Variants in NRXN3 observed in about 807,000 individuals in gnomAD.
NRXN3 encodes neurexin 3.
NRXN3 carries 32 observed loss-of-function variants against 137.6 expected under a neutral mutation model. That is an observed-to-expected ratio of 0.23 (90% CI 0.18 to 0.31). The LOEUF is 0.31. Among genes scored for constraint, NRXN3 ranks in the 10% least tolerant of loss-of-function variants. The pLI is 1.00. For missense variants in NRXN3, 1,574 were observed against 2,062.5 expected (o/e 0.76, Z 4.59); for synonymous variants, 798 against 784.5 (o/e 1.02, Z -0.29).
At chr14:78,786,190 A>G (rs2098788873) in intron 8 of NRXN3, among the ~76,000 whole-genome samples, 1 of 152,228 alleles carries the variant, frequency 6.6e-6, no homozygotes, top group African/African-American at 2.4e-5. Context: ...GAACAATAGT[A>G]TGTACTCAGA....
rs1200878192 is a variant in NRXN3, at chr14:78,170,476, C to A, written c.-902C>A. The A allele has an allele frequency of 6.6e-6, 1 of 152,256 alleles. No homozygotes were observed. Among genetic ancestry groups the A allele is most frequent in the Admixed American group, 6.5e-5 (1 of 15,278 alleles). The allele number at this position is 152,256 out of a possible 1,614,324, so 9.4% of individuals were successfully genotyped here. A position where few individuals can be genotyped will look rare whatever the true frequency, so the allele number is the denominator to read the frequency against. On this transcript the variant is annotated 5_prime_UTR_variant, in exon 1 of 21. Transcript: ENST00000335750. Reference sequence around the variant, plus strand: ...CCTCTCTCAGCCTCGGCATCTCCAGCCACCAAGGACCTGCTTTTCGCACCT... The same window carrying A: ...CCTCTCTCAGCCTCGGCATCTCCAGACACCAAGGACCTGCTTTTCGCACCT...
intron 4 of NRXN3, among the ~76,000 whole-genome samples, chr14:78,462,317 G>T (rs1276496782): frequency 1.3e-5 from 2 of 152,082 alleles, no homozygotes; most frequent in South Asian, 2.1e-4. Flanking sequence ...GAGGCCGAAG[G>T]GTGGCTCTGT....
chr14:78,244,325 A>C (rs1362870151), intron 2 of NRXN3, among the ~76,000 whole-genome samples: 1 of 152,030 alleles, frequency 6.6e-6, no homozygotes, highest in Non-Finnish European at 1.5e-5. Context: ...AGCTACTCGC[A>C]AGGCTGAGGC....
At chr14:79,509,521 AATATAT>A (rs889438191) in intron 16 of NRXN3, among the ~76,000 whole-genome samples, 14 of 136,294 alleles carry the variant, frequency 1.0e-4, no homozygotes, top group Non-Finnish European at 2.0e-4. Context: ...GTCTCAAAAA[AATATAT>A]ATATATTATA....
intron 8 of NRXN3, among the ~76,000 whole-genome samples, chr14:78,719,071 C>T (rs2098447343): frequency 6.6e-6 from 1 of 152,190 alleles, no homozygotes; most frequent in Non-Finnish European, 1.5e-5. Flanking sequence ...GCATCAAGTT[C>T]CAGCAAGGCA....
At chr14:78,623,476 T>A (rs538045734) in intron 4 of NRXN3, among the ~76,000 whole-genome samples, 1 of 152,358 alleles carries the variant, frequency 6.6e-6, no homozygotes, top group South Asian at 2.1e-4. Context: ...TTGGCCATAG[T>A]AGATAACCAT....
intron 10 of NRXN3, among the ~76,000 whole-genome samples, chr14:78,877,707 A>G (rs2099117175): frequency 6.6e-6 from 1 of 151,708 alleles, no homozygotes; most frequent in South Asian, 2.1e-4. Context: ...AAAAGCAAAT[A>G]AAGACTCAAT....
At chr14:79,185,933 C>T (rs1046243031) in intron 15 of NRXN3, among the ~76,000 whole-genome samples, 1 of 152,146 alleles carries the variant, frequency 6.6e-6, no homozygotes, top group Non-Finnish European at 1.5e-5. Flanking sequence ...TCTAGGTTTT[C>T]TAGCTGTATG....
At chr14:79,406,470 T>C (rs1034622762) in intron 15 of NRXN3, among the ~76,000 whole-genome samples, 2 of 151,470 alleles carry the variant, frequency 1.3e-5, no homozygotes, top group African/African-American at 4.9e-5. Context: ...CCTGGCTAAT[T>C]TTTTTTTCTC....
At chr14:79,126,867 G>T (rs76502666) in intron 15 of NRXN3, among the ~76,000 whole-genome samples, 1 of 151,940 alleles carries the variant, frequency 6.6e-6, no homozygotes, top group Non-Finnish European at 1.5e-5. Flanking sequence ...GATTGCCATT[G>T]TAACTGGTGT....
intron 4 of NRXN3, among the ~76,000 whole-genome samples, chr14:78,542,217 A>C (rs1407458147): frequency 1.3e-5 from 2 of 152,224 alleles, no homozygotes; most frequent in Admixed American, 6.5e-5. Flanking sequence ...GCTGTCAGAC[A>C]GGGACGTTTA....
intron 16 of NRXN3, among the ~76,000 whole-genome samples, chr14:79,549,916 C>T (rs1464421431): frequency 6.6e-6 from 1 of 151,958 alleles, no homozygotes; most frequent in South Asian, 2.1e-4. Context: ...CTTAGTTGCT[C>T]TGTGACATCC....
At chr14:79,108,728 T>C (rs1310735714) in intron 15 of NRXN3, among the ~76,000 whole-genome samples, 1 of 152,130 alleles carries the variant, frequency 6.6e-6, no homozygotes, top group Admixed American at 6.6e-5. Context: ...TAATATAGCA[T>C]AACAATACAT....
intron 10 of NRXN3, among the ~76,000 whole-genome samples, chr14:78,902,327 C>A (rs186421089): frequency 6.6e-6 from 1 of 152,102 alleles, no homozygotes; most frequent in East Asian, 1.9e-4. Flanking sequence ...TATGTTTTAA[C>A]CTGGGATGTG....
At chr14:79,431,354 T>G (rs2095751317) in intron 15 of NRXN3, among the ~76,000 whole-genome samples, 1 of 152,182 alleles carries the variant, frequency 6.6e-6, no homozygotes, top group Non-Finnish European at 1.5e-5. Context: ...CTACAATTAG[T>G]GTTTGCTAAA....
chr14:79,435,098 A>T (rs917361318), intron 15 of NRXN3, among the ~76,000 whole-genome samples: 1 of 152,188 alleles, frequency 6.6e-6, no homozygotes, highest in Non-Finnish European at 1.5e-5. Flanking sequence ...GCTCAGAGCC[A>T]CAACGGGCTT....
Position 79,609,029 on chromosome 14 carries a change from A to G in NRXN3, c.3445-54749A>G, listed in dbSNP as rs117048098. 3.3e-5 allele frequency among the ~76,000 whole-genome samples: 5 copies of G among 152,314 alleles called. No homozygotes were observed. In the East Asian group the frequency reaches 9.6e-4, roughly 29 times the overall value. On this transcript the variant is annotated intron_variant, in intron 16 of 20. Transcript: ENST00000335750. ...AAAGAGCAGTAATGCATCATGGTGA[A>G]ATAAAAATTGAACTGCAAATCCGAA...
Position 78,491,776 on chromosome 14 carries a change from G to C in NRXN3, c.758-153344G>C, listed in dbSNP as rs374851581. ...TGGGCGATTCAAATTGCTTTCTCCT[G>C]TCAAAAGGTAGCATCTATGAATCAC... On this transcript the variant is annotated intron_variant, in intron 4 of 20. Transcript: ENST00000335750. Among the ~76,000 whole-genome samples, 3 of 152,236 alleles carry C rather than the reference G, an allele frequency of 2.0e-5. No homozygotes were observed. The East Asian group carries it at 5.8e-4, about 29-fold the overall frequency.
At chr14:79,751,074 G>A (rs2098995903) in intron 19 of NRXN3, among the ~76,000 whole-genome samples, 1 of 151,996 alleles carries the variant, frequency 6.6e-6, no homozygotes, top group South Asian at 2.1e-4. Flanking sequence ...GGTTCCATAT[G>A]AACTTTAAAG....
Sources: allele counts gnomAD v4.1 joint callset (sites outside exome capture counted in the v4.1 genomes callset), GRCh38; gene constraint gnomAD v4.1.1; transcripts MANE v1.5; gene names NCBI Gene and HGNC (gene_info 2026-07-23, HGNC 2026-07-21).